The following CRIM1 variants were observed in gnomAD, a reference collection of about 807,000 sequenced individuals.
CRIM1 encodes the protein cysteine rich transmembrane BMP regulator 1, also known as cysteine-rich motor neuron 1 protein.
In CRIM1, 32 loss-of-function variants were observed where a neutral mutation model predicts 116.4. The ratio of observed to expected loss-of-function variants is 0.27; its 90% CI spans 0.21 to 0.37. The LOEUF (loss-of-function observed/expected upper bound fraction) is 0.37, where lower values mean the gene tolerates loss of function less well. Among genes scored for constraint, CRIM1 ranks in the 10% least tolerant of loss-of-function variants. CRIM1 has a pLI of 1.00. For missense variants in CRIM1, 1,331 were observed against 1,354.8 expected, an observed-to-expected ratio of 0.98 and a Z score of 0.28; for synonymous variants, 590 against 509.2, an observed-to-expected ratio of 1.16 and a Z score of -2.13.
At chr2:36,465,728 G>A (rs1013344798) in intron 5 of CRIM1, among the ~76,000 whole-genome samples, 1 of 152,102 alleles carries the variant, frequency 6.6e-6, no homozygotes, top group Non-Finnish European at 1.5e-5. Context: ...TGAAAATTGG[G>A]TCCTCCACTC....
intron 2 of CRIM1, among the ~76,000 whole-genome samples, chr2:36,409,131 A>G (rs1427700667): frequency 6.6e-6 from 1 of 152,182 alleles, no homozygotes; most frequent in Non-Finnish European, 1.5e-5. Flanking sequence ...CCACTAAGCA[A>G]AGCCCTACTT....
intron 7 of CRIM1, among the ~76,000 whole-genome samples, chr2:36,497,134 C>T (rs1274011433): frequency 3.9e-5 from 6 of 152,126 alleles, no homozygotes; most frequent in Non-Finnish European, 8.8e-5. Context: ...TCATAAATTT[C>T]ACATATTAAA....
At chr2:36,476,852 A>G (rs1333748420) in intron 5 of CRIM1, 37 bp from the exon 6 acceptor site, 7 of 1,538,698 alleles carry the variant, frequency 4.5e-6, no homozygotes, top group Non-Finnish European at 6.2e-6. Flanking sequence ...CTAAAAAATG[A>G]CTACAAATAT....
chr2:36,420,815 A>G lies in CRIM1; in HGVS notation c.506-20443A>G, dbSNP rs369685519. Among the ~76,000 whole-genome samples the G allele has an allele frequency of 3.0e-4, 45 of 152,264 alleles. 1 individual carries two copies. The East Asian group carries it at 6.4e-3, about 22-fold the overall frequency. ...TAGCAGAACAGATGGGCAGTTGGGG[A>G]ATACGTCGTGGGGTTGGTTGAGTCC... On this transcript the variant is annotated intron_variant, in intron 2 of 16. Transcript: ENST00000280527.
intron 14 of CRIM1, among the ~76,000 whole-genome samples, chr2:36,542,821 A>G (rs1210770153): frequency 1.3e-5 from 2 of 152,152 alleles, no homozygotes; most frequent in African/African-American, 4.8e-5. Context: ...CAGTGGGTGC[A>G]TTAAATACCA....
chr2:36,452,391 G>C (rs1289406558), intron 4 of CRIM1, among the ~76,000 whole-genome samples: 1 of 152,078 alleles, frequency 6.6e-6, no homozygotes, highest in Non-Finnish European at 1.5e-5. Flanking sequence ...TCTCAACTAA[G>C]AAAAGAACAT....
At chr2:36,359,916 TA>T (rs1229297569) in intron 1 of CRIM1, among the ~76,000 whole-genome samples, 2 of 152,210 alleles carry the variant, frequency 1.3e-5, no homozygotes, top group African/African-American at 2.4e-5. Context: ...TGCAGCATCC[TA>T]ACTGGCCTGT....
intron 4 of CRIM1, among the ~76,000 whole-genome samples, chr2:36,458,816 G>T (rs28622501): frequency 3.7e-4 from 57 of 152,060 alleles, no homozygotes; most frequent in Non-Finnish European, 6.5e-4. Context: ...ATTTAGAGAA[G>T]AGTTTATTAT....
rs140648354 is a variant in CRIM1 at position 36,483,171 on chromosome 2, T to G, written c.1372+3477T>G. On this transcript the variant is annotated intron_variant, in intron 7 of 16. Coordinates refer to ENST00000280527, the MANE Select transcript of CRIM1 (RefSeq NM_016441.3). Reference sequence around the variant, plus strand: ...GTTGACTTTTCTCTACATCTCTTGTTTATCGATCTCATTATTTTTATTTTC... The same window carrying G: ...GTTGACTTTTCTCTACATCTCTTGTGTATCGATCTCATTATTTTTATTTTC... Among the ~76,000 whole-genome samples, 27 of 152,342 alleles carry G rather than the reference T, an allele frequency of 1.8e-4. No homozygotes were observed. The East Asian group carries it at 5.0e-3, about 28-fold the overall frequency.
chr2:36,534,944 TCAAACATTG>T (rs1666432326), intron 13 of CRIM1, among the ~76,000 whole-genome samples: 1 of 152,132 alleles, frequency 6.6e-6, no homozygotes, highest in Non-Finnish European at 1.5e-5. Flanking sequence ...TACTGCTCTA[TCAAACATTG>T]CTTCTTTTCA....
intron 2 of CRIM1, among the ~76,000 whole-genome samples, chr2:36,403,140 A>G (rs979340776): frequency 2.6e-5 from 4 of 152,216 alleles, no homozygotes; most frequent in Non-Finnish European, 4.4e-5. Context: ...TGTGTTATCC[A>G]TAAAATGTGT....
At chr2:36,440,306 A>G (rs569854168) in intron 2 of CRIM1, among the ~76,000 whole-genome samples, 8 of 152,364 alleles carry the variant, frequency 5.3e-5, no homozygotes, top group African/African-American at 9.6e-5. Context: ...AGGAAGACCA[A>G]TTAACACTTA....
chr2:36,527,272 T>C (rs2125141676), intron 13 of CRIM1, among the ~76,000 whole-genome samples: 1 of 152,230 alleles, frequency 6.6e-6, no homozygotes, highest in South Asian at 2.1e-4. Flanking sequence ...CGAGTATCAT[T>C]GAAGTGTTTT....
At chr2:36,501,155 C>T (rs1680955780) in intron 8 of CRIM1, among the ~76,000 whole-genome samples, 2 of 152,182 alleles carry the variant, frequency 1.3e-5, no homozygotes, top group South Asian at 4.1e-4. Flanking sequence ...CTCTCACACA[C>T]AGTACTGGTT....
intron 15 of CRIM1, 83 bp downstream of exon 15, chr2:36,544,581 G>A: frequency 1.6e-6 from 2 of 1,276,612 alleles, no homozygotes; most frequent in Non-Finnish European, 2.0e-6. Flanking sequence ...TTTCCTATGA[G>A]TAACTTTTAA....
intron 12 of CRIM1, among the ~76,000 whole-genome samples, chr2:36,521,677 C>T (rs1263368340): frequency 6.6e-6 from 1 of 152,160 alleles, no homozygotes; most frequent in African/African-American, 2.4e-5. Flanking sequence ...TGAAAGCTTT[C>T]CCAGAAATCC....
chr2:36,475,151 G>GA (rs2125036372), intron 5 of CRIM1, among the ~76,000 whole-genome samples: 1 of 152,218 alleles, frequency 6.6e-6, no homozygotes, highest in Non-Finnish European at 1.5e-5. Context: ...CTAGGAGTTT[G>GA]ATAGAGATTG....
intron 4 of CRIM1, among the ~76,000 whole-genome samples, chr2:36,444,009 T>C (rs1336344213): frequency 6.6e-6 from 1 of 152,146 alleles, no homozygotes; most frequent in Non-Finnish European, 1.5e-5. Context: ...CTTGCAAACA[T>C]AAGGTATTAC....
At chr2:36,421,268 T>A (rs1031820447) in intron 2 of CRIM1, among the ~76,000 whole-genome samples, 4 of 152,192 alleles carry the variant, frequency 2.6e-5, no homozygotes, top group Admixed American at 2.6e-4. Context: ...ATTTCCTTTT[T>A]GGGGGAGAAA....
Sources: gnomAD v4.1 joint callset for allele counts (sites outside exome capture counted in the v4.1 genomes callset) on GRCh38, gnomAD v4.1.1 for gene constraint, MANE v1.5 for transcripts, NCBI Gene and HGNC (gene_info 2026-07-23, HGNC 2026-07-21) for gene names.